Variants in LRRTM4 observed in about 807,000 individuals in gnomAD.
LRRTM4 encodes the protein leucine-rich repeat transmembrane neuronal protein 4.
A neutral mutation model predicts 47.6 loss-of-function variants in LRRTM4; 25 were observed. The observed-to-expected ratio is 0.53, with a 90% confidence interval of 0.38 to 0.73. The LOEUF (loss-of-function observed/expected upper bound fraction) is 0.73, where lower values mean the gene tolerates loss of function less well. Among genes scored for constraint, LRRTM4 ranks in the 30% least tolerant of loss-of-function variants. LRRTM4 has a pLI of 0.00. For synonymous variants in LRRTM4, 311 were observed against 269.5 expected (o/e 1.15, Z -1.51); for missense variants, 638 against 713.4 (o/e 0.89, Z 1.20).
At chr2:76,983,567 G>C (rs1284044598) in intron 3 of LRRTM4, among the ~76,000 whole-genome samples, 1 of 152,018 alleles carries the variant, frequency 6.6e-6, no homozygotes, top group Admixed American at 6.6e-5. Context: ...CCAGCCATGT[G>C]AAACTGTGAG....
chr2:77,521,646 GA>G lies in LRRTM4; in HGVS notation c.4+21del. On this transcript the variant is annotated intron_variant, in intron 2 of 3. Transcript: ENST00000409884. ...CAAGAGGATCAGCTTTGCTCAGAAG[GA>G]AACAACAAAAGTTCACTTACCCATC... The G allele has an allele frequency of 1.2e-6, 2 of 1,612,080 alleles. 1 individual carries two copies. The highest frequency in any genetic ancestry group is 3.3e-5 in the Admixed American group (2 of 59,850).
At chr2:77,332,853 C>T (rs1313620129) in intron 3 of LRRTM4, among the ~76,000 whole-genome samples, 1 of 152,194 alleles carries the variant, frequency 6.6e-6, no homozygotes, top group African/African-American at 2.4e-5. Flanking sequence ...AAGCTCTCAC[C>T]TCACAGTACT....
intron 3 of LRRTM4, among the ~76,000 whole-genome samples, chr2:77,398,732 G>C (rs1673806178): frequency 6.6e-6 from 1 of 151,780 alleles, no homozygotes; most frequent in African/African-American, 2.4e-5. Context: ...ACCCCGTATG[G>C]CAGATGTACC....
chr2:76,982,549 C>G (rs1057349490), intron 3 of LRRTM4, among the ~76,000 whole-genome samples: 1 of 151,906 alleles, frequency 6.6e-6, no homozygotes, highest in Non-Finnish European at 1.5e-5. Context: ...AGGGCGGACA[C>G]TGGGTGAAGG....
intron 3 of LRRTM4, among the ~76,000 whole-genome samples, chr2:77,436,866 T>G (rs1303077061): frequency 3.3e-5 from 5 of 151,918 alleles, no homozygotes; most frequent in Non-Finnish European, 7.4e-5. Flanking sequence ...TAACAAAGTA[T>G]AAGTAGATAG....
chr2:77,012,254 A>G (rs1367693254), intron 3 of LRRTM4, among the ~76,000 whole-genome samples: 1 of 152,136 alleles, frequency 6.6e-6, no homozygotes, highest in Non-Finnish European at 1.5e-5. Flanking sequence ...GTTAGAAATA[A>G]TTATTATTTT....
intron 3 of LRRTM4, among the ~76,000 whole-genome samples, chr2:76,899,933 T>C (rs1392822657): frequency 6.6e-6 from 1 of 152,072 alleles, no homozygotes; most frequent in Non-Finnish European, 1.5e-5. Context: ...AATAACTGAA[T>C]ATATGCTAGT....
Position 77,477,907 on chromosome 2 carries a change from G to GAAAGAA in LRRTM4, c.1551+40405_1551+40410dup, listed in dbSNP as rs1202562752. Among the ~76,000 whole-genome samples the GAAAGAA allele has an allele frequency of 5.4e-4, 3 of 5,574 alleles. No individual in the cohort carries two copies. The East Asian group carries it at 7.1e-3, about 13-fold the overall frequency. 3.7% of individuals were successfully genotyped at this position (5,574 alleles called of 152,430 possible). The stretch of plus-strand genomic sequence containing the variant: ...AGAAAGAAAGAAAAAGAAAGAAAAA[G>GAAAGAA]AAAGAAAGAAAGAAAGAAAGAAAGA... On this transcript the variant is annotated intron_variant, in intron 3 of 3. Transcript: ENST00000409884.
At chr2:77,136,651 G>A (rs186461388) in intron 3 of LRRTM4, among the ~76,000 whole-genome samples, 3 of 152,188 alleles carry the variant, frequency 2.0e-5, no homozygotes, top group Non-Finnish European at 4.4e-5. Context: ...GTTGAGAGAA[G>A]AAGCCTTCAG....
intron 3 of LRRTM4, among the ~76,000 whole-genome samples, chr2:77,421,734 G>C (rs72919974): frequency 6.6e-6 from 1 of 151,814 alleles, no homozygotes; most frequent in South Asian, 2.1e-4. Flanking sequence ...GTCCAGACAC[G>C]TGACTGAATA....
chr2:76,975,070 AAACC>A (rs1049385913), intron 3 of LRRTM4, among the ~76,000 whole-genome samples: 1 of 151,736 alleles, frequency 6.6e-6, no homozygotes, highest in African/African-American at 2.4e-5. Flanking sequence ...AAAAACAAAC[AAACC>A]AACAAAAACA....
At chr2:77,296,284 C>A (rs1214019287) in intron 3 of LRRTM4, among the ~76,000 whole-genome samples, 1 of 152,134 alleles carries the variant, frequency 6.6e-6, no homozygotes, top group African/African-American at 2.4e-5. Flanking sequence ...AGTATATCAT[C>A]ATTTCAATTT....
At chr2:77,510,611 CTTTAAGTTAA>C (rs1363281934) in intron 3 of LRRTM4, among the ~76,000 whole-genome samples, 1 of 151,856 alleles carries the variant, frequency 6.6e-6, no homozygotes, top group Non-Finnish European at 1.5e-5. Flanking sequence ...TGTAATTTTG[CTTTAAGTTAA>C]AAAATTTAGC....
chr2:76,748,629 T>C lies in LRRTM4; in HGVS notation c.*66A>G, dbSNP rs1338470198. ...CGATTGCGCGATTGTGGACACCCATTCTCCTTTAAGATGAAGGCCCTCCCT... is the reference window on the plus strand; with the variant it reads ...CGATTGCGCGATTGTGGACACCCATCCTCCTTTAAGATGAAGGCCCTCCCT... On this transcript the variant is annotated 3_prime_UTR_variant, in exon 4 of 4. Coordinates refer to ENST00000409884, the MANE Select transcript of LRRTM4 (RefSeq NM_001134745.3). The C allele has an allele frequency of 7.7e-6, 10 of 1,301,854 alleles. No individual in the cohort carries two copies. Among genetic ancestry groups the C allele is most frequent in the Non-Finnish European group, 9.8e-6 (9 of 916,484 alleles). The allele number at this position is 1,301,854 out of a possible 1,614,324, so 80.6% of individuals were successfully genotyped here. A position where few individuals can be genotyped will look rare whatever the true frequency, so the allele number is the denominator to read the frequency against.
chr2:76,934,642 T>G (rs1055668538), intron 3 of LRRTM4, among the ~76,000 whole-genome samples: 1 of 152,206 alleles, frequency 6.6e-6, no homozygotes, highest in African/African-American at 2.4e-5. Context: ...ACGATGTCCC[T>G]GAACATGGAG....
At chr2:77,321,639 C>T (rs946269225) in intron 3 of LRRTM4, among the ~76,000 whole-genome samples, 1 of 150,744 alleles carries the variant, frequency 6.6e-6, no homozygotes. Context: ...AAGACAAAAC[C>T]GGGGGGAAAT....
rs537986042 is a variant in LRRTM4, at chr2:77,393,488, G to A, written c.1551+124830C>T. Among the ~76,000 whole-genome samples the A allele has an allele frequency of 2.6e-4, 39 of 152,082 alleles. 1 individual carries two copies. The highest frequency in any genetic ancestry group is 7.9e-4 in the African/African-American group (33 of 41,544). On this transcript the variant is annotated intron_variant, in intron 3 of 3. Transcript: ENST00000409884. ...CAGGCAAAAGGATGAAGTTCATTGCGGGAGTTTAATTTTCACCAAACTAGA... is the reference window on the plus strand; with the variant it reads ...CAGGCAAAAGGATGAAGTTCATTGCAGGAGTTTAATTTTCACCAAACTAGA...
At position 76,902,238 on chromosome 2, in the gene LRRTM4, G is replaced by C. The variant is rs181947346; in HGVS notation, c.1552-153322C>G. 4.5e-4 allele frequency among the ~76,000 whole-genome samples: 69 copies of C among 152,022 alleles called. 4 individuals are homozygous for C. Among genetic ancestry groups the C allele is most frequent in the Admixed American group, 4.3e-3 (65 of 15,256 alleles). ...TTTTTTACAGCACTCTGGCCCTCTG[G>C]CTACACCCAGATATTCCTGTTCCTA... On this transcript the variant is annotated intron_variant, in intron 3 of 3. Transcript: ENST00000409884.
rs569240547 is a variant in LRRTM4, at chr2:77,010,066, GTA to G, written c.1552-261152_1552-261151del. 1.8e-3 allele frequency among the ~76,000 whole-genome samples: 274 copies of G among 151,768 alleles called. 1 individual carries two copies. The highest frequency in any genetic ancestry group is 6.4e-3 in the African/African-American group (265 of 41,436). Reference sequence around the variant, plus strand: ...TATACAGCATGATATTTTGATATATGTATATGTTTTGGAATTGTTAATTCAAG... The same window carrying G: ...TATACAGCATGATATTTTGATATATGTATGTTTTGGAATTGTTAATTCAAG... On this transcript the variant is annotated intron_variant, in intron 3 of 3. Transcript: ENST00000409884.
Sources: gnomAD v4.1 joint callset for allele counts (sites outside exome capture counted in the v4.1 genomes callset) on GRCh38, gnomAD v4.1.1 for gene constraint, MANE v1.5 for transcripts, NCBI Gene and HGNC (gene_info 2026-07-23, HGNC 2026-07-21) for gene names.